DPP10: variants seen among roughly 807,000 people sequenced by gnomAD.
DPP10 encodes dipeptidyl peptidase like 10.
DPP10 carries 33 observed loss-of-function variants against 120.9 expected under a neutral mutation model. The observed-to-expected ratio is 0.27, with a 90% CI of 0.21 to 0.37. DPP10 has a LOEUF of 0.37. Ranked by LOEUF, DPP10 falls within the 10% of genes least tolerant of loss-of-function variation. DPP10 has a pLI of 1.00. For missense variants in DPP10, 816 were observed against 942.8 expected (o/e 0.87, Z 1.76); for synonymous variants, 337 against 326.1 (o/e 1.03, Z -0.36).
chr2:115,840,615 T>C (rs555043819), intron 24 of DPP10, 135 bp from the exon 25 acceptor site: 7 of 867,762 alleles, frequency 8.1e-6, no homozygotes, highest in Admixed American at 5.0e-5. Context: ...TGAGCCACCG[T>C]GCCCAGCCAG....
chr2:115,368,548 A>T (rs1314249918), intron 3 of DPP10, among the ~76,000 whole-genome samples: 1 of 151,998 alleles, frequency 6.6e-6, no homozygotes, highest in Non-Finnish European at 1.5e-5. Flanking sequence ...CTTATCCTTA[A>T]TTGTCTTCAG....
intron 15 of DPP10, among the ~76,000 whole-genome samples, chr2:115,778,756 A>G (rs1682416156): frequency 6.6e-6 from 1 of 152,058 alleles, no homozygotes; most frequent in South Asian, 2.1e-4. Context: ...ACTCTTATTT[A>G]TACACAATTT....
At chr2:114,632,895 A>C (rs1252033553) in intron 1 of DPP10, among the ~76,000 whole-genome samples, 1 of 152,126 alleles carries the variant, frequency 6.6e-6, no homozygotes, top group Non-Finnish European at 1.5e-5. Context: ...AAATTTGACA[A>C]GGAATGTTCC....
intron 13 of DPP10, among the ~76,000 whole-genome samples, chr2:115,769,144 AAATCATATAATAAAT>A (rs1199989508): frequency 1.3e-5 from 2 of 152,078 alleles, no homozygotes; most frequent in African/African-American, 4.8e-5. Flanking sequence ...GCATCCTTCA[AAATCATATAATAAAT>A]AATCTAGTCT....
intron 1 of DPP10, among the ~76,000 whole-genome samples, chr2:114,568,031 AGAG>A (rs1379496156): frequency 2.7e-5 from 4 of 147,178 alleles, no homozygotes; most frequent in Non-Finnish European, 5.9e-5. Flanking sequence ...TTAAAAAAAA[AGAG>A]AGAGAGAGAT....
chr2:115,262,612 A>G (rs966607185), intron 1 of DPP10, among the ~76,000 whole-genome samples: 3 of 152,192 alleles, frequency 2.0e-5, no homozygotes, highest in African/African-American at 7.2e-5. Flanking sequence ...TGATATAAAT[A>G]AAAATTCAAG....
chr2:114,701,692 C>T (rs1012782092), intron 1 of DPP10, among the ~76,000 whole-genome samples: 3 of 152,098 alleles, frequency 2.0e-5, no homozygotes, highest in South Asian at 2.1e-4. Context: ...CCAGGAAAAA[C>T]GAGTGCCAAC....
intron 1 of DPP10, among the ~76,000 whole-genome samples, chr2:114,778,701 C>G (rs1681990665): frequency 6.6e-6 from 1 of 151,858 alleles, no homozygotes; most frequent in South Asian, 2.1e-4. Context: ...TATACCACTT[C>G]CATGAAAAAT....
chr2:115,316,772 T>C (rs2061814434), intron 2 of DPP10, among the ~76,000 whole-genome samples: 1 of 152,160 alleles, frequency 6.6e-6, no homozygotes, highest in Non-Finnish European at 1.5e-5. Context: ...CTCTAATGTA[T>C]GATTAGATAG....
chr2:115,663,900 C>T (rs35366441), intron 5 of DPP10, among the ~76,000 whole-genome samples: 31,787 of 151,652 alleles, frequency 0.21, 4,054 homozygotes, highest in African/African-American at 0.36. Flanking sequence ...GAGGCTGAGG[C>T]AGGAGAATTG....
intron 1 of DPP10, among the ~76,000 whole-genome samples, chr2:115,002,183 A>G (rs1385435166): frequency 1.3e-5 from 2 of 152,144 alleles, no homozygotes; most frequent in Non-Finnish European, 2.9e-5. Context: ...AAACAAACAA[A>G]CAAAAACAGA....
chr2:114,970,186 G>C (rs2104781447), intron 1 of DPP10, among the ~76,000 whole-genome samples: 1 of 152,244 alleles, frequency 6.6e-6, no homozygotes, highest in Middle Eastern at 3.4e-3. Flanking sequence ...TGCAGGCTTA[G>C]TTATGGCCTT....
chr2:114,693,794 T>C (rs1402561950), intron 1 of DPP10, among the ~76,000 whole-genome samples: 1 of 151,958 alleles, frequency 6.6e-6, no homozygotes. Context: ...TTCTTTTATC[T>C]CTATTCTTTT....
Position 115,745,070 on chromosome 2 carries a change from C to CT in DPP10, c.853-1014dup, listed in dbSNP as rs1176877011. Among the ~76,000 whole-genome samples, 13 of 150,224 alleles carry CT rather than the reference C, an allele frequency of 8.7e-5. No individual in the cohort carries two copies. The South Asian group carries it at 1.3e-3, about 14-fold the overall frequency. Reference sequence around the variant, plus strand: ...GTTATTCATTTATTCATTCCAATTGCTTGAAATATGTCATGAAAGTTCTCA... The same window carrying CT: ...GTTATTCATTTATTCATTCCAATTGCTTTGAAATATGTCATGAAAGTTCTCA... On this transcript the variant is annotated intron_variant, in intron 9 of 25. Coordinates refer to ENST00000410059, the MANE Select transcript of DPP10 (RefSeq NM_020868.6).
chr2:115,509,467 T>G (rs977782488), intron 4 of DPP10, among the ~76,000 whole-genome samples: 2 of 152,100 alleles, frequency 1.3e-5, no homozygotes, highest in African/African-American at 4.8e-5. Flanking sequence ...TATGGTTGGA[T>G]GAAAATATCT....
intron 1 of DPP10, among the ~76,000 whole-genome samples, chr2:114,650,399 G>A (rs1696493558): frequency 6.6e-6 from 1 of 152,246 alleles, no homozygotes; most frequent in Non-Finnish European, 1.5e-5. Flanking sequence ...GAGTCCAGGA[G>A]ATAATTTTAA....
intron 1 of DPP10, among the ~76,000 whole-genome samples, chr2:114,961,043 T>C (rs1698582927): frequency 2.6e-5 from 1 of 38,408 alleles, no homozygotes; most frequent in Non-Finnish European, 5.1e-5. Flanking sequence ...CTTTTTTTTT[T>C]TTTTTTTTTT....
At chr2:115,651,894 G>A (rs2087813239) in intron 5 of DPP10, among the ~76,000 whole-genome samples, 1 of 151,986 alleles carries the variant, frequency 6.6e-6, no homozygotes, top group Non-Finnish European at 1.5e-5. Context: ...TTGAATTTTA[G>A]TGTTCTGTTA....
At chr2:115,377,722 T>C (rs1643907389) in intron 3 of DPP10, among the ~76,000 whole-genome samples, 1 of 152,084 alleles carries the variant, frequency 6.6e-6, no homozygotes, top group Non-Finnish European at 1.5e-5. Flanking sequence ...CTTGAATTGA[T>C]TTTTGTATAA....
Sources: allele counts gnomAD v4.1 joint callset (sites outside exome capture counted in the v4.1 genomes callset), GRCh38; gene constraint gnomAD v4.1.1; transcripts MANE v1.5; gene names NCBI Gene and HGNC (gene_info 2026-07-23, HGNC 2026-07-21).